GPATCH2L: variants seen among roughly 807,000 people sequenced by gnomAD.
The protein encoded by GPATCH2L is G patch domain-containing protein 2-like.
Under a neutral mutation model 57.4 loss-of-function variants are expected in GPATCH2L, and 31 were observed. The observed-to-expected ratio is 0.54, with a 90% CI of 0.41 to 0.73. The LOEUF is 0.73. GPATCH2L is among the 30% of genes least tolerant of loss of function. The pLI is 0.00. For synonymous variants in GPATCH2L, 199 were observed against 210.7 expected (o/e 0.94, Z 0.48); for missense variants, 481 against 599.9 (o/e 0.80, Z 2.07).
intron 6 of GPATCH2L, among the ~76,000 whole-genome samples, chr14:76,177,567 T>C (rs1594948671): frequency 6.6e-6 from 1 of 152,134 alleles, no homozygotes; most frequent in African/African-American, 2.4e-5. Context: ...GGGTGTGGTT[T>C]ATGCCCTTCA....
rs756233119 is a variant in GPATCH2L, at chr14:76,211,817, G to A, written c.*9966G>A. 2.6e-5 allele frequency: 4 copies of A among 152,238 alleles called. No individual in the cohort carries two copies. Among genetic ancestry groups the A allele is most frequent in the East Asian group, 3.9e-4 (2 of 5,188 alleles). 9.4% of individuals were successfully genotyped at this position (152,238 alleles called of 1,614,324 possible). A position where few individuals can be genotyped will look rare whatever the true frequency, so the allele number is the denominator to read the frequency against. On this transcript the variant is annotated 3_prime_UTR_variant, in exon 10 of 10. Coordinates refer to ENST00000261530, the MANE Select transcript of GPATCH2L (RefSeq NM_017926.4). ...CCATGATTTTGGTCTCATTAATACC[G>A]TGCTATAAATAAAGTTAGCTAAATC...
At chr14:76,191,091 G>A (rs1304925365) in intron 8 of GPATCH2L, among the ~76,000 whole-genome samples, 1 of 152,028 alleles carries the variant, frequency 6.6e-6, no homozygotes, top group African/African-American at 2.4e-5. Flanking sequence ...TGTAGGGAGG[G>A]TCTCTGTGTT....
At chr14:76,233,343 T>TA (rs2040583302) in intron 2 of GPATCH2L, among the ~76,000 whole-genome samples, 1 of 152,226 alleles carries the variant, frequency 6.6e-6, no homozygotes, top group African/African-American at 2.4e-5. Context: ...ATTGTCATTT[T>TA]TAAAAAATTC....
At chr14:76,171,476 C>G (rs2039080358) in intron 3 of GPATCH2L, among the ~76,000 whole-genome samples, 1 of 152,012 alleles carries the variant, frequency 6.6e-6, no homozygotes, top group Non-Finnish European at 1.5e-5. Context: ...ACTCAGGAGG[C>G]TGAGTCAGAG....
At chr14:76,168,113 C>T (rs147606892) in intron 3 of GPATCH2L, among the ~76,000 whole-genome samples, 60 of 152,334 alleles carry the variant, frequency 3.9e-4, no homozygotes, top group Non-Finnish European at 7.8e-4. Context: ...TGATGCTTAG[C>T]GTTCTCAACG....
At chr14:76,186,352 C>T (rs562493395) in intron 8 of GPATCH2L, among the ~76,000 whole-genome samples, 4 of 152,278 alleles carry the variant, frequency 2.6e-5, no homozygotes, top group Middle Eastern at 3.4e-3. Flanking sequence ...ACGTTATGAT[C>T]TGCATATCAG....
rs2039669140 is a variant in GPATCH2L at position 76,183,963 on chromosome 14, G to T, written c.1193+3114G>T. Among the ~76,000 whole-genome samples the T allele has an allele frequency of 2.6e-5, 4 of 151,582 alleles. No homozygotes were observed. The South Asian group carries it at 8.3e-4, about 32-fold the overall frequency. ...TCTTGTCCCATTTTATTTGTAGTAGGGAAACATTTCTTTCAAAGCACCTGG... is the reference window on the plus strand; with the variant it reads ...TCTTGTCCCATTTTATTTGTAGTAGTGAAACATTTCTTTCAAAGCACCTGG... On this transcript the variant is annotated intron_variant, in intron 8 of 9. Transcript: ENST00000261530.
At chr14:76,177,853 T>G (rs1362586987) in intron 6 of GPATCH2L, 135 bp from the exon 7 acceptor site, 1 of 1,369,592 alleles carries the variant, frequency 7.3e-7, no homozygotes, top group Admixed American at 1.8e-5. Context: ...ATCACTTCTT[T>G]TATTGTTTTC....
intron 8 of GPATCH2L, among the ~76,000 whole-genome samples, chr14:76,185,723 C>T (rs2039740518): frequency 6.6e-6 from 1 of 152,104 alleles, no homozygotes; most frequent in Non-Finnish European, 1.5e-5. Context: ...AGGTCAGCTT[C>T]CTTTGTAAAT....
chr14:76,233,904 G>A (rs2040586353), intron 2 of GPATCH2L, among the ~76,000 whole-genome samples: 1 of 152,112 alleles, frequency 6.6e-6, no homozygotes, highest in Non-Finnish European at 1.5e-5. Flanking sequence ...AGGAGTTTGG[G>A]ACTAGTCTAG....
intron 5 of GPATCH2L, chr14:76,175,096 GT>G (rs2139680713): frequency 6.6e-6 from 1 of 152,266 alleles, no homozygotes; most frequent in African/African-American, 2.4e-5. Context: ...AGAAGGAGAG[GT>G]TTTACTTTTA....
chr14:76,198,144 T>C (rs1207817248), intron 9 of GPATCH2L, among the ~76,000 whole-genome samples: 1 of 152,200 alleles, frequency 6.6e-6, no homozygotes, highest in African/African-American at 2.4e-5. Context: ...GTAGCACCTT[T>C]ATTTTCTTTG....
chr14:76,165,423 T>G (rs1213069017), intron 2 of GPATCH2L, among the ~76,000 whole-genome samples: 2 of 148,040 alleles, frequency 1.4e-5, no homozygotes, highest in Non-Finnish European at 3.0e-5. Flanking sequence ...ACCTGGGTGG[T>G]GGAGGTTATA....
chr14:76,172,130 T>C, intron 4 of GPATCH2L, 111 bp downstream of exon 4: 1 of 604,112 alleles, frequency 1.7e-6, no homozygotes, highest in Non-Finnish European at 2.7e-6. Flanking sequence ...ACTATCTGAA[T>C]TTTGGAGCTA....
downstream of GPATCH2L, among the ~76,000 whole-genome samples, chr14:76,218,499 T>C (rs2040498707): frequency 6.6e-6 from 1 of 151,970 alleles, no homozygotes; most frequent in Admixed American, 6.6e-5. Flanking sequence ...AATGTTAAAA[T>C]GCTAATGAGA....
At chr14:76,185,071 G>T (rs912560094) in intron 8 of GPATCH2L, among the ~76,000 whole-genome samples, 1 of 152,242 alleles carries the variant, frequency 6.6e-6, no homozygotes, top group Non-Finnish European at 1.5e-5. Flanking sequence ...CCTACTGCAG[G>T]TAGAGAAGAG....
intron 1 of GPATCH2L, chr14:76,229,693 A>G (rs1299704072): frequency 6.6e-6 from 1 of 151,958 alleles, no homozygotes; most frequent in Non-Finnish European, 1.5e-5. Context: ...CTCCACTCTC[A>G]TGTCATGAGG....
intron 1 of GPATCH2L, among the ~76,000 whole-genome samples, chr14:76,220,205 G>A (rs1185096891): frequency 6.6e-6 from 1 of 152,096 alleles, no homozygotes. Flanking sequence ...GTCATTTGAG[G>A]TCATCTTAAA....
intron 2 of GPATCH2L, among the ~76,000 whole-genome samples, chr14:76,157,865 G>A (rs934142342): frequency 5.9e-5 from 9 of 152,008 alleles, no homozygotes; most frequent in African/African-American, 1.4e-4. Flanking sequence ...CAAGTTTTGA[G>A]GAACTAAAAA....
Sources: allele counts gnomAD v4.1 joint callset (sites outside exome capture counted in the v4.1 genomes callset), GRCh38; gene constraint gnomAD v4.1.1; transcripts MANE v1.5; gene names NCBI Gene and HGNC (gene_info 2026-07-23, HGNC 2026-07-21).